The following PCDHGA11 variants were observed in gnomAD, a reference collection of about 807,000 sequenced individuals.
PCDHGA11 encodes protocadherin gamma-A11.
PCDHGA11 carries 39 observed loss-of-function variants against 60.4 expected under a neutral mutation model. The observed-to-expected ratio is 0.65, with a 90% confidence interval of 0.50 to 0.84. PCDHGA11 has a LOEUF of 0.84. Ranked by LOEUF, PCDHGA11 falls within the 40% of genes least tolerant of loss-of-function variation. The pLI, the probability that PCDHGA11 is intolerant of heterozygous loss-of-function variation, is 0.00. For synonymous variants in PCDHGA11, 533 were observed against 510.3 expected, an observed-to-expected ratio of 1.04 and a Z score of -0.60; for missense variants, 1,165 against 1,197.7, an observed-to-expected ratio of 0.97 and a Z score of 0.40.
intron 1 of PCDHGA11, among the ~76,000 whole-genome samples, chr5:141,425,820 C>T (rs978139996): frequency 6.6e-6 from 1 of 152,156 alleles, no homozygotes; most frequent in Admixed American, 6.5e-5. Flanking sequence ...TAGAAAAAAA[C>T]AAACTTTTAA....
Position 141,432,608 on chromosome 5 carries a change from T to G in PCDHGA11, c.2433+8948T>G. ...GCTCAAGGCCAGCGAGCCGGGACTC[T>G]TCTCGGTGGGTCTGCACACGGGCGA... On this transcript the variant is annotated intron_variant, in intron 1 of 3. Transcript: ENST00000398587. This position sits in a 1 kb window ranked among gnomAD's most constrained non-coding sequence, Gnocchi z 6.0. The G allele has an allele frequency of 6.2e-7, 1 of 1,613,864 alleles. No individual in the cohort carries two copies. The highest frequency in any genetic ancestry group is 8.5e-7 in the Non-Finnish European group (1 of 1,179,964).
intron 1 of PCDHGA11, among the ~76,000 whole-genome samples, chr5:141,451,924 G>C (rs1337159204): frequency 1.3e-5 from 2 of 152,008 alleles, no homozygotes; most frequent in African/African-American, 4.8e-5. Context: ...AAGGAAGGGA[G>C]GTAGGGAGGC....
At chr5:141,452,421 C>A (rs1211472567) in intron 1 of PCDHGA11, among the ~76,000 whole-genome samples, 2 of 152,180 alleles carry the variant, frequency 1.3e-5, no homozygotes, top group Non-Finnish European at 2.9e-5. Context: ...ATGCTCACTG[C>A]TAATGGGCTG....
Position 141,486,397 on chromosome 5 carries a change from G to A in PCDHGA11, c.2434-8410G>A, listed in dbSNP as rs778989869. The A allele has an allele frequency of 5.0e-6, 8 of 1,614,046 alleles. No individual in the cohort carries two copies. The South Asian group carries it at 7.7e-5, about 16-fold the overall frequency. ...CCTTCAGGAACCAGTTCTCCCTGGT[G>A]ACTGCTGGACCCTTGGATCGAGAGG... On this transcript the variant is annotated intron_variant, in intron 1 of 3. Transcript: ENST00000398587. The surrounding 1 kb of genome is among the most constrained non-coding windows in gnomAD (Gnocchi z 5.0).
At chr5:141,468,871 T>TAAG (rs796694379) in intron 1 of PCDHGA11, among the ~76,000 whole-genome samples, 1 of 148,338 alleles carries the variant, frequency 6.7e-6, no homozygotes, top group African/African-American at 2.5e-5. Flanking sequence ...ATCTCAAAAA[T>TAAG]AATAATAATA....
intron 1 of PCDHGA11, among the ~76,000 whole-genome samples, chr5:141,451,430 T>C (rs1441183396): frequency 2.0e-5 from 3 of 152,240 alleles, no homozygotes; most frequent in Non-Finnish European, 4.4e-5. Context: ...AGACTAAGGG[T>C]TCCAGTTCCT....
intron 1 of PCDHGA11, among the ~76,000 whole-genome samples, chr5:141,492,876 G>A (rs2099744774): frequency 6.6e-6 from 1 of 152,184 alleles, no homozygotes; most frequent in African/African-American, 2.4e-5. Context: ...TCAACCCCCA[G>A]AGATACAGGC....
In PCDHGA11 at chr5:141,511,033, C is replaced by T. The variant is rs1185153127; in HGVS notation, c.2668C>T (p.His890Tyr). 6.2e-7 allele frequency: 1 copy of T among 1,614,202 alleles called. No individual in the cohort carries two copies. The highest frequency in any genetic ancestry group is 1.7e-5 in the Admixed American group (1 of 60,032). ...CTACGGACCCCAGTTCACCCTGCAG[C>T]ACGTGCCCGACTACCGCCAGAATGT... ...ARYGPQFTLQ[H>Y]VPDYRQNVYI... Residue 890 changes from histidine to tyrosine, a missense_variant, in exon 4 of 4, where the codon CAC becomes TAC. His to Tyr is a moderately conservative substitution (Grantham distance 83). Coordinates refer to ENST00000398587, the MANE Select transcript of PCDHGA11 (RefSeq NM_018914.3).
chr5:141,505,779 T>G (rs1420143439), intron 3 of PCDHGA11, among the ~76,000 whole-genome samples: 1 of 139,496 alleles, frequency 7.2e-6, no homozygotes, highest in Non-Finnish European at 1.6e-5. Flanking sequence ...GTCCTAGCTC[T>G]GCTACTATCC....
chr5:141,454,385 T>C (rs1168439343), intron 1 of PCDHGA11, among the ~76,000 whole-genome samples: 5 of 152,194 alleles, frequency 3.3e-5, no homozygotes, highest in Non-Finnish European at 7.4e-5. Flanking sequence ...CTTGTCAAGA[T>C]GAAGAAAAGG....
intron 2 of PCDHGA11, among the ~76,000 whole-genome samples, chr5:141,504,128 G>A (rs914138294): frequency 2.6e-5 from 4 of 151,992 alleles, no homozygotes; most frequent in African/African-American, 9.7e-5. Context: ...GCTGTTTCCC[G>A]CCAACACTCC....
intron 1 of PCDHGA11, among the ~76,000 whole-genome samples, chr5:141,454,796 A>ATTTTTTTTTTTTTTTTTTTTTT (rs61612330): frequency 5.2e-5 from 4 of 77,456 alleles, no homozygotes; most frequent in Non-Finnish European, 7.0e-5. Context: ...CATGGTTCTA[A>ATTTTTTTTTTTTTTTTTTTTTT]TTTTTTTTTT....
chr5:141,481,901 G>A (rs1297925755), intron 1 of PCDHGA11, among the ~76,000 whole-genome samples: 2 of 125,298 alleles, frequency 1.6e-5, no homozygotes, highest in Non-Finnish European at 3.2e-5. Context: ...GTGAAAGAGC[G>A]AAACTCCATC....
chr5:141,432,659 G>A lies in PCDHGA11; in HGVS notation c.2433+8999G>A. On this transcript the variant is annotated intron_variant, in intron 1 of 3. Coordinates refer to ENST00000398587, the MANE Select transcript of PCDHGA11 (RefSeq NM_018914.3). This position sits in a 1 kb window ranked among gnomAD's most constrained non-coding sequence, Gnocchi z 6.0. ...GGTGCGCACGGCGCGAGCCCTGCTG[G>A]ACAGAGACGCGCTCAAGCAGAGCCT... 1 of 1,613,884 alleles carries A rather than the reference G, an allele frequency of 6.2e-7. No homozygotes were observed. The highest frequency in any genetic ancestry group is 8.5e-7 in the Non-Finnish European group (1 of 1,179,956).
Position 141,485,227 on chromosome 5 carries a change from G to T in PCDHGA11, c.2434-9580G>T. Reference sequence around the variant, plus strand: ...AAATCTGGCGGTGGGCTACCCTTTTGTTCCTCTTTTACCACCTGGGTTACG... The same window carrying T: ...AAATCTGGCGGTGGGCTACCCTTTTTTTCCTCTTTTACCACCTGGGTTACG... On this transcript the variant is annotated intron_variant, in intron 1 of 3. Transcript: ENST00000398587. The surrounding 1 kb of genome is among the most constrained non-coding windows in gnomAD (Gnocchi z 5.7). The T allele has an allele frequency of 6.2e-7, 1 of 1,614,186 alleles. No individual in the cohort carries two copies. Among genetic ancestry groups the T allele is most frequent in the Non-Finnish European group, 8.5e-7 (1 of 1,180,020 alleles).
intron 1 of PCDHGA11, among the ~76,000 whole-genome samples, chr5:141,458,871 T>C (rs2098955493): frequency 6.6e-6 from 1 of 152,210 alleles, no homozygotes; most frequent in African/African-American, 2.4e-5. Flanking sequence ...TAGCTGGGAC[T>C]ACAGGCATGC....
intron 1 of PCDHGA11, chr5:141,440,369 G>A (rs2098171994): frequency 6.6e-6 from 1 of 152,156 alleles, no homozygotes; most frequent in African/African-American, 2.4e-5. Context: ...GGGGGGCCGA[G>A]GCAGGAGAAT....
At chr5:141,425,822 A>G (rs1257213242) in intron 1 of PCDHGA11, among the ~76,000 whole-genome samples, 1 of 152,240 alleles carries the variant, frequency 6.6e-6, no homozygotes, top group Non-Finnish European at 1.5e-5. Context: ...GAAAAAAACA[A>G]ACTTTTAAAT....
rs2099394683 is a variant in PCDHGA11, at chr5:141,476,602, C to G, written c.2434-18205C>G. 2.5e-6 allele frequency: 4 copies of G among 1,614,208 alleles called. No individual in the cohort carries two copies. The highest frequency in any genetic ancestry group is 2.2e-5 in the East Asian group (1 of 44,862). Reference sequence around the variant, plus strand: ...TTCCGCTCGAGAGCGCGCACGATCCCGATGTGGGAAGCAACTCTTTACAAA... The same window carrying G: ...TTCCGCTCGAGAGCGCGCACGATCCGGATGTGGGAAGCAACTCTTTACAAA... On this transcript the variant is annotated intron_variant, in intron 1 of 3. Transcript: ENST00000398587. This position sits in a 1 kb window ranked among gnomAD's most constrained non-coding sequence, Gnocchi z 7.6.
Sources: gnomAD v4.1 joint callset for allele counts (sites outside exome capture counted in the v4.1 genomes callset) on GRCh38, gnomAD v4.1.1 for gene constraint, Gnocchi (gnomAD v3.1) non-coding constraint, MANE v1.5 for transcripts, NCBI Gene and HGNC (gene_info 2026-07-23, HGNC 2026-07-21) for gene names.